AOX1: variants seen among roughly 807,000 people sequenced by gnomAD.
AOX1 encodes aldehyde oxidase.
AOX1 carries 153 observed loss-of-function variants against 169.5 expected under a neutral mutation model. That is an observed-to-expected ratio of 0.90 (90% CI 0.79 to 1.03). AOX1 has a LOEUF of 1.03. Among genes scored for constraint, AOX1 ranks in the 50% least tolerant of loss-of-function variants. AOX1 has a pLI of 0.00. For missense variants in AOX1, 1,656 were observed against 1,663.9 expected (o/e 1.00, Z 0.08); for synonymous variants, 562 against 581.9 (o/e 0.97, Z 0.49).
chr2:200,587,096 G>T lies in AOX1; in HGVS notation c.45+943G>T, dbSNP rs2034052378. Among the ~76,000 whole-genome samples, 3 of 150,810 alleles carry T rather than the reference G, an allele frequency of 2.0e-5. No homozygotes were observed. The South Asian group carries it at 6.3e-4, about 32-fold the overall frequency. Reference sequence around the variant, plus strand: ...AGCCTGGGCAACATGGCGAAACCTTGTCTCTACAAAAAAAAAACCAAACAA... The same window carrying T: ...AGCCTGGGCAACATGGCGAAACCTTTTCTCTACAAAAAAAAAACCAAACAA... On this transcript the variant is annotated intron_variant, in intron 1 of 34. Coordinates refer to ENST00000374700, the MANE Select transcript of AOX1 (RefSeq NM_001159.4).
At chr2:200,638,348 A>ACATC in intron 23 of AOX1, 46 bp downstream of exon 23, 3 of 1,559,032 alleles carry the variant, frequency 1.9e-6, no homozygotes, top group Non-Finnish European at 2.7e-6. Flanking sequence ...TGTAGATACA[A>ACATC]CATCCTATCA....
In AOX1 at chr2:200,590,917, A is replaced by G. The variant is rs1244657761; in HGVS notation, c.46-2229A>G. On this transcript the variant is annotated intron_variant, in intron 1 of 34. Transcript: ENST00000374700. ...TTAACATGTTGCCTCATGGTCTAAG[A>G]TAACTGCTGGGGTTCTAGCCATTTC... 1.3e-5 allele frequency among the ~76,000 whole-genome samples: 2 copies of G among 152,152 alleles called. 1 individual carries two copies. The highest frequency in any genetic ancestry group is 4.1e-4 in the South Asian group (2 of 4,824).
intron 7 of AOX1, among the ~76,000 whole-genome samples, chr2:200,603,747 G>A (rs545513535): frequency 2.6e-5 from 4 of 152,166 alleles, no homozygotes; most frequent in Non-Finnish European, 5.9e-5. Flanking sequence ...CTGTGTCTGC[G>A]GCTGCTGCCT....
intron 5 of AOX1, among the ~76,000 whole-genome samples, 182 bp downstream of exon 5, chr2:200,599,928 A>G (rs1247167520): frequency 6.6e-6 from 1 of 152,046 alleles, no homozygotes; most frequent in Non-Finnish European, 1.5e-5. Flanking sequence ...TTTTACTTTT[A>G]AACGATGATG....
intron 3 of AOX1, among the ~76,000 whole-genome samples, chr2:200,597,018 G>A (rs2034297507): frequency 6.6e-6 from 1 of 152,124 alleles, no homozygotes; most frequent in African/African-American, 2.4e-5. Context: ...GGCTGCTCTG[G>A]TTGCTAATGG....
At chr2:200,611,656 G>T (rs937435201) in intron 13 of AOX1, among the ~76,000 whole-genome samples, 163 bp downstream of exon 13, 1 of 151,818 alleles carries the variant, frequency 6.6e-6, no homozygotes, top group African/African-American at 2.4e-5. Context: ...CTTGTGAATA[G>T]TTGCCTTTTC....
intron 18 of AOX1, among the ~76,000 whole-genome samples, 196 bp from the exon 19 acceptor site, chr2:200,623,665 A>T (rs2034935752): frequency 6.6e-6 from 1 of 152,206 alleles, no homozygotes; most frequent in African/African-American, 2.4e-5. Flanking sequence ...CAGCACAAGG[A>T]TCTAAACTTC....
At chr2:200,638,025 A>T (rs913482051) in intron 22 of AOX1, 190 bp from the exon 23 acceptor site, 2 of 494,112 alleles carry the variant, frequency 4.0e-6, no homozygotes, top group African/African-American at 1.9e-5. Flanking sequence ...GCCTGGCATT[A>T]TTCCCTGACC....
chr2:200,653,018 T>TA lies in AOX1; in HGVS notation c.3075+1825dup, dbSNP rs1229049145. ...AAGATTTGTATCCTCATTTTAGGTATAAAAAAAATCTAGGCTTAGAAGGTT... is the reference window on the plus strand; with the variant it reads ...AAGATTTGTATCCTCATTTTAGGTATAAAAAAAAATCTAGGCTTAGAAGGTT... On this transcript the variant is annotated intron_variant, in intron 26 of 34. Coordinates refer to ENST00000374700, the MANE Select transcript of AOX1 (RefSeq NM_001159.4). Among the ~76,000 whole-genome samples, 7 of 152,042 alleles carry TA rather than the reference T, an allele frequency of 4.6e-5. No homozygotes were observed. In the South Asian group the frequency reaches 1.5e-3, roughly 32 times the overall value.
intron 32 of AOX1, among the ~76,000 whole-genome samples, chr2:200,667,255 A>G (rs894705351): frequency 1.3e-5 from 2 of 152,208 alleles, no homozygotes; most frequent in African/African-American, 4.8e-5. Flanking sequence ...TTTCTCTTGA[A>G]AACAGAAAGT....
Position 200,642,662 on chromosome 2 carries a change from T to C in AOX1, c.2708T>C (p.Leu903Pro). Reference protein sequence around the residue: ...KMDNAYKFPNLRCRGWACRTN... With the variant: ...KMDNAYKFPNPRCRGWACRTN... Reference sequence around the variant, plus strand: ...GACAATGCTTACAAGTTTCCCAATCTCCGCTGCCGGGGTTGGGCATGCAGA... The same window carrying C: ...GACAATGCTTACAAGTTTCCCAATCCCCGCTGCCGGGGTTGGGCATGCAGA... Residue 903 changes from leucine to proline, a missense_variant, in exon 25 of 35, where the codon CTC (leucine) becomes CCC (proline). By Grantham distance (98) the Leu-to-Pro change is moderately conservative. Transcript: ENST00000374700. The C allele has an allele frequency of 6.2e-7, 1 of 1,614,138 alleles. No homozygotes were observed. The highest frequency in any genetic ancestry group is 8.5e-7 in the Non-Finnish European group (1 of 1,180,004).
At position 200,638,150 on chromosome 2, in the gene AOX1, T is replaced by C. The variant is rs562422212; in HGVS notation, c.2481-65T>C. On this transcript the variant is annotated intron_variant, in intron 22 of 34. Coordinates refer to ENST00000374700, the MANE Select transcript of AOX1 (RefSeq NM_001159.4). ...CCACTCAGGCTCTTGCCAGGAGTTA[T>C]ATAAACCCCAGAGAATGCCTGCTAG... is the stretch of plus-strand genomic sequence containing the variant. 1.0e-4 allele frequency: 152 copies of C among 1,486,070 alleles called. No individual in the cohort carries two copies. The African/African-American group carries it at 1.8e-3, about 18-fold the overall frequency. The allele number at this position is 1,486,070 out of a possible 1,614,324, so 92.1% of individuals were successfully genotyped here. A position where few individuals can be genotyped will look rare whatever the true frequency, so the allele number is the denominator to read the frequency against.
chr2:200,647,140 T>TG (rs1559253786), intron 25 of AOX1, among the ~76,000 whole-genome samples: 1 of 151,612 alleles, frequency 6.6e-6, no homozygotes, highest in Non-Finnish European at 1.5e-5. Flanking sequence ...TTTTTTATTT[T>TG]TTTGTTTTTG....
intron 21 of AOX1, among the ~76,000 whole-genome samples, chr2:200,635,804 C>G (rs1469642273): frequency 6.6e-6 from 1 of 152,112 alleles, no homozygotes; most frequent in Non-Finnish European, 1.5e-5. Flanking sequence ...GGCAGGGGGT[C>G]TTGATTCTGG....
At chr2:200,678,181 C>T (rs2105784347), downstream of AOX1, 1 of 152,262 alleles carries the variant, frequency 6.6e-6, no homozygotes. Flanking sequence ...CCTGTGGATA[C>T]CAAAAGAATG....
intron 25 of AOX1, among the ~76,000 whole-genome samples, chr2:200,643,114 C>T (rs1574947304): frequency 6.6e-6 from 1 of 151,954 alleles, no homozygotes; most frequent in South Asian, 2.1e-4. Flanking sequence ...CCTCATTCCC[C>T]GCTTCCTGAA....
intron 19 of AOX1, among the ~76,000 whole-genome samples, chr2:200,624,428 G>A (rs150539081): frequency 4.5e-4 from 69 of 152,204 alleles, no homozygotes; most frequent in African/African-American, 1.5e-3. Context: ...TGAAGTAAGT[G>A]GGCTATGTAG....
chr2:200,642,664 C>T lies in AOX1; in HGVS notation c.2710C>T (p.Arg904Cys), dbSNP rs369320698. Residue 904 changes from arginine (R) to cysteine (C), a missense_variant, in exon 25 of 35, where the codon CGC becomes TGC. By Grantham distance (180) the Arg-to-Cys change is radical. Transcript: ENST00000374700. ...MDNAYKFPNL[R>C]CRGWACRTNL... Reference sequence around the variant, plus strand: ...CAATGCTTACAAGTTTCCCAATCTCCGCTGCCGGGGTTGGGCATGCAGAAC... The same window carrying T: ...CAATGCTTACAAGTTTCCCAATCTCTGCTGCCGGGGTTGGGCATGCAGAAC... 215 of 1,614,080 alleles carry T rather than the reference C, an allele frequency of 1.3e-4. 2 individuals are homozygous for T. Among genetic ancestry groups the T allele is most frequent in the South Asian group, 2.1e-4 (19 of 91,076 alleles).
At chr2:200,651,587 C>T (rs550289281) in intron 26 of AOX1, among the ~76,000 whole-genome samples, 10 of 152,106 alleles carry the variant, frequency 6.6e-5, no homozygotes, top group South Asian at 2.1e-4. Context: ...AATTCGGTGT[C>T]GCTGGACCAT....
Sources: gnomAD v4.1 joint callset for allele counts (sites outside exome capture counted in the v4.1 genomes callset) on GRCh38, gnomAD v4.1.1 for gene constraint, MANE v1.5 for transcripts, NCBI Gene and HGNC (gene_info 2026-07-23, HGNC 2026-07-21) for gene names.